SELENOO: variants seen among roughly 807,000 people sequenced by gnomAD.
SELENOO encodes the protein selenoprotein O.
In SELENOO, 74 loss-of-function variants were observed where a neutral mutation model predicts 58.7. The ratio of observed to expected loss-of-function variants is 1.26; its 90% CI spans 1.04 to 1.53. The LOEUF (loss-of-function observed/expected upper bound fraction) is 1.53. Ranked by LOEUF, SELENOO falls within the 40% of genes most tolerant of loss-of-function variation. SELENOO has a pLI of 0.00. For synonymous variants in SELENOO, 543 were observed against 453.2 expected (o/e 1.20, Z -2.52); for missense variants, 1,149 against 970.0 (o/e 1.18, Z -2.45).
intron 1 of SELENOO, among the ~76,000 whole-genome samples, chr22:50,204,885 G>A (rs1162497353): frequency 3.3e-5 from 5 of 152,232 alleles, no homozygotes; most frequent in African/African-American, 1.2e-4. Flanking sequence ...TAAATGTGAT[G>A]TGTACATACA....
At chr22:50,216,588 C>T in intron 6 of SELENOO, 103 bp from the exon 7 acceptor site, 1 of 1,147,824 alleles carries the variant, frequency 8.7e-7, no homozygotes, top group South Asian at 1.5e-5. Context: ...GGCCCTTGGA[C>T]TCTAGGTGAG....
At position 50,201,579 on chromosome 22, in the gene SELENOO, GC is replaced by G; in HGVS notation, c.546del (p.Phe183SerfsTer65). On this transcript the variant is annotated frameshift_variant, in exon 1 of 9. Coordinates refer to ENST00000380903, the MANE Select transcript of SELENOO (RefSeq NM_031454.2). LOFTEE classifies it high-confidence loss of function. ...TGCAGCTCAAGGGCGCCGGGCCCAC[GC>G]CCTTCTCCAGGTGGGCCGGGGCGGG... ...ELQLKGAGPT[P>X]FSRQADGRKV... 1 of 1,322,324 alleles carries G rather than the reference GC, an allele frequency of 7.6e-7. No individual in the cohort carries two copies. Among genetic ancestry groups the G allele is most frequent in the Non-Finnish European group, 9.7e-7 (1 of 1,032,210 alleles). The allele number at this position is 1,322,324 out of a possible 1,614,324, so 81.9% of individuals were successfully genotyped here. A position where few individuals can be genotyped will look rare whatever the true frequency, so the allele number is the denominator to read the frequency against.
chr22:50,211,815 T>C (rs2064373254), intron 5 of SELENOO, among the ~76,000 whole-genome samples: 1 of 152,222 alleles, frequency 6.6e-6, no homozygotes, highest in African/African-American at 2.4e-5. Context: ...GTGATTCTCC[T>C]GCCTCAGTCT....
chr22:50,214,043 G>A (rs938582056), intron 5 of SELENOO, among the ~76,000 whole-genome samples: 14 of 152,162 alleles, frequency 9.2e-5, no homozygotes, highest in African/African-American at 2.7e-4. Context: ...TTCTGCCAAC[G>A]TTTACATTTT....
intron 7 of SELENOO, 34 bp from the exon 8 acceptor site, chr22:50,216,938 C>T (rs377286987): frequency 2.2e-4 from 357 of 1,603,790 alleles, no homozygotes; most frequent in African/African-American, 2.9e-4. Flanking sequence ...AAGTCCAGCC[C>T]GGCTGTGACT....
At position 50,217,239 on chromosome 22, in the gene SELENOO, A is replaced by G; in HGVS notation, c.1880A>G (p.Tyr627Cys). The G allele has an allele frequency of 6.2e-7, 1 of 1,611,718 alleles. No individual in the cohort carries two copies. Among genetic ancestry groups the G allele is most frequent in the Non-Finnish European group, 8.5e-7 (1 of 1,179,462 alleles). ...GTGCTGAAACTACTGGAGACCCCTT[A>G]CCACTGCGAGGCGGGGGCCGCCACA... ...RRVLKLLETP[Y>C]HCEAGAATDA... The change falls in exon 9 of 9, where the codon TAC (tyrosine) becomes TGC (cysteine). Residue 627 changes from tyrosine (Y) to cysteine (C), a missense_variant. Physicochemically the swap from Tyr to Cys is radical, Grantham distance 194. Coordinates refer to ENST00000380903, the MANE Select transcript of SELENOO (RefSeq NM_031454.2).
intron 5 of SELENOO, among the ~76,000 whole-genome samples, chr22:50,213,782 G>A (rs2064387778): frequency 6.6e-6 from 1 of 150,770 alleles, no homozygotes; most frequent in Non-Finnish European, 1.5e-5. Context: ...CGAGTAGCTG[G>A]GACTACAGGC....
rs1245844279 is a variant in SELENOO, at chr22:50,201,131, C to T, written c.95C>T (p.Thr32Met). 4 of 1,313,902 alleles carry T rather than the reference C, an allele frequency of 3.0e-6. No individual in the cohort carries two copies. The highest frequency in any genetic ancestry group is 3.9e-6 in the Non-Finnish European group (4 of 1,034,430). 81.4% of individuals were successfully genotyped at this position (1,313,902 alleles called of 1,614,324 possible). A position where few individuals can be genotyped will look rare whatever the true frequency, so the allele number is the denominator to read the frequency against. ...RCSPSPAPRS[T>M]LSGAAMEPAP... ...TCCCCGTCGCCGGCGCCCCGCTCTA[C>T]GTTGTCGGGCGCCGCCATGGAGCCC... The change falls in exon 1 of 9, where the codon ACG becomes ATG. Residue 32 changes from threonine (T) to methionine (M), a missense_variant. Physicochemically the swap from Thr to Met is moderately conservative, Grantham distance 81. Transcript: ENST00000380903.
intron 2 of SELENOO, among the ~76,000 whole-genome samples, chr22:50,207,103 G>A (rs924812891): frequency 2.6e-5 from 4 of 152,102 alleles, no homozygotes; most frequent in Non-Finnish European, 4.4e-5. Flanking sequence ...CCTGTCTGAC[G>A]TGAGCCATCA....
chr22:50,201,861 G>GCTAACC (rs3830748), intron 1 of SELENOO, among the ~76,000 whole-genome samples: 4 of 152,350 alleles, frequency 2.6e-5, no homozygotes, highest in East Asian at 1.9e-4. Context: ...GAGAGGTTAG[G>GCTAACC]CTAACCCTAA....
Position 50,215,701 on chromosome 22 carries a change from G to C in SELENOO, c.1352-16G>C, listed in dbSNP as rs746433459. 5.7e-6 allele frequency: 9 copies of C among 1,575,758 alleles called. No homozygotes were observed. In the Admixed American group the frequency reaches 1.5e-4, roughly 27 times the overall value. ...GGGCCTTCTGCTTCCAGCTCCCTGA[G>C]CAGCCTGTGTTCCAGGTGCCGACTT... On this transcript the variant is annotated splice_polypyrimidine_tract_variant and intron_variant, in intron 5 of 8. Coordinates refer to ENST00000380903, the MANE Select transcript of SELENOO (RefSeq NM_031454.2).
chr22:50,209,881 C>A (rs947653549), intron 3 of SELENOO, among the ~76,000 whole-genome samples: 2 of 152,222 alleles, frequency 1.3e-5, no homozygotes, highest in African/African-American at 4.8e-5. Flanking sequence ...GTGAACTGAC[C>A]CTTCTCTGCT....
chr22:50,217,490 G>C lies in SELENOO; in HGVS notation c.*121G>C, dbSNP rs534562303. 1 of 1,248,870 alleles carries C rather than the reference G, an allele frequency of 8.0e-7. No individual in the cohort carries two copies. Among genetic ancestry groups the C allele is most frequent in the Non-Finnish European group, 1.1e-6 (1 of 900,130 alleles). The allele number at this position is 1,248,870 out of a possible 1,614,324, so 77.4% of individuals were successfully genotyped here. On this transcript the variant is annotated 3_prime_UTR_variant, in exon 9 of 9. Transcript: ENST00000380903. ...ATTCTGCCCTGGCCCATGCACACCC[G>C]TCTTTCCATGATGGCAGAGACATCC...
intron 6 of SELENOO, among the ~76,000 whole-genome samples, 186 bp downstream of exon 6, chr22:50,216,053 TAG>T (rs895242913): frequency 1.3e-4 from 20 of 151,516 alleles, no homozygotes; most frequent in Non-Finnish European, 2.5e-4. Context: ...GGTCACAGAG[TAG>T]AGAGTGGCGA....
rs201826328 is a variant in SELENOO at position 50,206,429 on chromosome 22, G to A, written c.667G>A (p.Glu223Lys). 6.0e-5 allele frequency: 97 copies of A among 1,614,140 alleles called. No individual in the cohort carries two copies. The highest frequency in any genetic ancestry group is 7.7e-5 in the Non-Finnish European group (91 of 1,180,026). Reference protein sequence around the residue: ...TTRAGACVTSESTVVRDVFYD... With the variant: ...TTRAGACVTSKSTVVRDVFYD... ...ACGGGCCGGCGCCTGCGTCACGTCC[G>A]AGTCCACGGTGGTGCGCGACGTGTT... The change falls in exon 2 of 9, where the codon GAG becomes AAG. Residue 223 changes from glutamate (E) to lysine (K), a missense_variant. Transcript: ENST00000380903.
In SELENOO at chr22:50,201,028, G is replaced by A. The variant is rs1183433691; in HGVS notation, c.-9G>A. The A allele has an allele frequency of 1.6e-6, 2 of 1,262,502 alleles. No homozygotes were observed. The highest frequency in any genetic ancestry group is 1.6e-5 in the African/African-American group (1 of 63,878). The allele number at this position is 1,262,502 out of a possible 1,614,324, so 78.2% of individuals were successfully genotyped here. ...GGCAGGCTGGCTTCCGGCGGGAGCG[G>A]GGCCGCGGATGGCCGTATACAGGGC... On this transcript the variant is annotated 5_prime_UTR_variant, in exon 1 of 9. Coordinates refer to ENST00000380903, the MANE Select transcript of SELENOO (RefSeq NM_031454.2).
intron 5 of SELENOO, among the ~76,000 whole-genome samples, chr22:50,213,678 T>C (rs372061202): frequency 1.3e-5 from 2 of 152,046 alleles, no homozygotes; most frequent in East Asian, 3.9e-4. Context: ...GACGGAGTCT[T>C]GCTCTGTCAC....
intron 5 of SELENOO, among the ~76,000 whole-genome samples, chr22:50,211,292 G>GT (rs1262219681): frequency 6.6e-6 from 1 of 152,184 alleles, no homozygotes; most frequent in Non-Finnish European, 1.5e-5. Flanking sequence ...GGTGCACTGT[G>GT]TGTTGTGTGC....
rs2064417545 is a variant in SELENOO at position 50,216,838 on chromosome 22, G to T, written c.1650G>T (p.Arg550Ser). 3.1e-6 allele frequency: 5 copies of T among 1,608,604 alleles called. No homozygotes were observed. In the African/African-American group the frequency reaches 6.7e-5, roughly 21 times the overall value. ...EQLSAAELQS[R>S]NQGHWADWLQ... ...TGAGTGCGGCAGAGCTGCAGAGCAG[G>T]AACCAGGGCCACTGGGCTGACTGGC... Residue 550 changes from arginine to serine, a missense_variant, in exon 7 of 9, where the codon AGG becomes AGT. Physicochemically the swap from Arg to Ser is moderately radical, Grantham distance 110. Coordinates refer to ENST00000380903, the MANE Select transcript of SELENOO (RefSeq NM_031454.2).
Sources: gnomAD v4.1 joint callset for allele counts (sites outside exome capture counted in the v4.1 genomes callset) on GRCh38, gnomAD v4.1.1 for gene constraint, MANE v1.5 for transcripts, NCBI Gene and HGNC (gene_info 2026-07-23, HGNC 2026-07-21) for gene names.